The following NDST3 variants were observed in gnomAD, a reference collection of about 807,000 sequenced individuals.
The protein encoded by NDST3 is bifunctional heparan sulfate N-deacetylase/N-sulfotransferase 3.
Under a neutral mutation model 96.1 loss-of-function variants are expected in NDST3, and 58 were observed. That is an observed-to-expected ratio of 0.60 (90% CI 0.49 to 0.75). NDST3 has a LOEUF of 0.75. Ranked by LOEUF, NDST3 falls within the 30% of genes least tolerant of loss-of-function variation. The probability of loss-of-function intolerance (pLI) is 0.00; values close to 1 mark genes in which losing one functional copy is unlikely to be tolerated. For missense variants in NDST3, 788 were observed against 1,034.2 expected, an observed-to-expected ratio of 0.76 and a Z score of 3.27; for synonymous variants, 333 against 359.7, an observed-to-expected ratio of 0.93 and a Z score of 0.84.
intron 6 of NDST3, among the ~76,000 whole-genome samples, chr4:118,169,136 A>C (rs976198648): frequency 2.6e-5 from 4 of 151,528 alleles, no homozygotes; most frequent in Non-Finnish European, 4.4e-5. Flanking sequence ...ACAATTTTTA[A>C]AAAGAAAAAA....
chr4:118,242,608 G>A (rs1741076684), intron 12 of NDST3, among the ~76,000 whole-genome samples: 1 of 152,288 alleles, frequency 6.6e-6, no homozygotes, highest in African/African-American at 2.4e-5. Flanking sequence ...TAAGCAGAGA[G>A]AGATGTACTA....
intron 12 of NDST3, among the ~76,000 whole-genome samples, chr4:118,247,623 A>G (rs1305604101): frequency 6.6e-6 from 1 of 152,166 alleles, no homozygotes; most frequent in African/African-American, 2.4e-5. Flanking sequence ...ATTGACTGCA[A>G]TGGGCTGCAA....
intron 2 of NDST3, among the ~76,000 whole-genome samples, chr4:118,080,796 C>T (rs1210071438): frequency 6.6e-6 from 1 of 151,974 alleles, no homozygotes; most frequent in East Asian, 1.9e-4. Context: ...TCCATGGCAC[C>T]ATATGAAGGA....
At chr4:118,111,936 A>C (rs543375479) in intron 3 of NDST3, among the ~76,000 whole-genome samples, 1 of 151,934 alleles carries the variant, frequency 6.6e-6, no homozygotes, top group East Asian at 1.9e-4. Flanking sequence ...TCAGCCTCCC[A>C]AAGTGCTGGG....
intron 6 of NDST3, among the ~76,000 whole-genome samples, chr4:118,169,532 G>A (rs1735785246): frequency 1.3e-5 from 2 of 152,120 alleles, no homozygotes; most frequent in South Asian, 2.1e-4. Flanking sequence ...AGTGGCTCAC[G>A]CCTGTAATCC....
intron 5 of NDST3, among the ~76,000 whole-genome samples, chr4:118,141,912 TAG>T (rs1733601325): frequency 6.6e-6 from 1 of 152,142 alleles, no homozygotes; most frequent in Non-Finnish European, 1.5e-5. Context: ...AGTCCATAGC[TAG>T]TTCCACTAGC....
chr4:118,145,354 G>C (rs758502618), intron 6 of NDST3, among the ~76,000 whole-genome samples: 15 of 152,084 alleles, frequency 9.9e-5, no homozygotes, highest in South Asian at 6.2e-4. Context: ...TTTCATCATA[G>C]AGCAACAGAA....
intron 13 of NDST3, among the ~76,000 whole-genome samples, chr4:118,255,049 T>A (rs995217538): frequency 2.0e-5 from 3 of 152,302 alleles, no homozygotes; most frequent in African/African-American, 7.2e-5. Flanking sequence ...ATAAAATATA[T>A]CATATGCATT....
At chr4:118,193,223 A>T (rs1292571844) in intron 6 of NDST3, among the ~76,000 whole-genome samples, 1 of 152,152 alleles carries the variant, frequency 6.6e-6, no homozygotes, top group Non-Finnish European at 1.5e-5. Flanking sequence ...ACCACCTAAA[A>T]TGATTCCCCA....
rs552733878 is a variant in NDST3 at position 118,087,554 on chromosome 4, T to C, written c.982-17464T>C. Among the ~76,000 whole-genome samples, 136 of 152,274 alleles carry C rather than the reference T, an allele frequency of 8.9e-4. 2 individuals carry two copies. The highest frequency in any genetic ancestry group is 3.1e-3 in the African/African-American group (128 of 41,580). On this transcript the variant is annotated intron_variant, in intron 2 of 13. Coordinates refer to ENST00000296499, the MANE Select transcript of NDST3 (RefSeq NM_004784.3). ...ATCTCTAATCAGTTCCAGATTATCC[T>C]AGGAATTTGAGCCTGGCACAAATCA... is the stretch of plus-strand genomic sequence containing the variant.
chr4:118,165,045 A>C (rs1409123198), intron 6 of NDST3, among the ~76,000 whole-genome samples: 1 of 152,148 alleles, frequency 6.6e-6, no homozygotes, highest in Non-Finnish European at 1.5e-5. Context: ...AAGACAAAAC[A>C]ATTAACAAAA....
At chr4:118,103,427 AG>A (rs919511086) in intron 2 of NDST3, among the ~76,000 whole-genome samples, 39 of 152,262 alleles carry the variant, frequency 2.6e-4, no homozygotes, top group African/African-American at 8.9e-4. Context: ...GAAGAAAGAA[AG>A]GGAAGATATT....
At chr4:118,252,410 A>T (rs1225664523) in intron 12 of NDST3, among the ~76,000 whole-genome samples, 1 of 152,226 alleles carries the variant, frequency 6.6e-6, no homozygotes, top group Non-Finnish European at 1.5e-5. Context: ...GTGTTCAACT[A>T]ATACTTGGCA....
intron 12 of NDST3, among the ~76,000 whole-genome samples, chr4:118,252,155 T>C (rs367731353): frequency 2.6e-5 from 4 of 152,224 alleles, no homozygotes; most frequent in Admixed American, 2.6e-4. Context: ...AATATAATTA[T>C]TGAATAACAA....
chr4:118,216,820 G>A (rs1186895561), intron 6 of NDST3, among the ~76,000 whole-genome samples: 1 of 152,040 alleles, frequency 6.6e-6, no homozygotes, highest in Non-Finnish European at 1.5e-5. Flanking sequence ...AAGATTACCA[G>A]AATGAGTGGC....
chr4:118,240,786 TTAC>T lies in NDST3; in HGVS notation c.2289+95_2289+97del. The T allele has an allele frequency of 5.0e-6, 6 of 1,204,852 alleles. No homozygotes were observed. The South Asian group carries it at 1.0e-4, about 20-fold the overall frequency. The allele number at this position is 1,204,852 out of a possible 1,614,324, so 74.6% of individuals were successfully genotyped here. ...AAGAAAATTTTCAATTGTTAAACTA[TTAC>T]TAGTTTTTCCTCTTTAGTTGTAAAT... On this transcript the variant is annotated intron_variant, in intron 11 of 13. Transcript: ENST00000296499.
At chr4:118,105,947 G>C (rs1376969141) in intron 3 of NDST3, among the ~76,000 whole-genome samples, 1 of 152,136 alleles carries the variant, frequency 6.6e-6, no homozygotes, top group Non-Finnish European at 1.5e-5. Flanking sequence ...TGTTCCTGTT[G>C]CTCTGTATGC....
intron 4 of NDST3, among the ~76,000 whole-genome samples, chr4:118,127,306 A>G (rs1732190553): frequency 6.6e-6 from 1 of 151,818 alleles, no homozygotes; most frequent in Non-Finnish European, 1.5e-5. Flanking sequence ...ATGTTTTCTT[A>G]TAGTAGTTTC....
At chr4:118,204,330 T>C (rs1318504049) in intron 6 of NDST3, among the ~76,000 whole-genome samples, 1 of 145,174 alleles carries the variant, frequency 6.9e-6, no homozygotes, top group East Asian at 2.0e-4. Context: ...CTTCACAGAG[T>C]TTAACTGAGC....
Sources: gnomAD v4.1 joint callset for allele counts (sites outside exome capture counted in the v4.1 genomes callset) on GRCh38, gnomAD v4.1.1 for gene constraint, MANE v1.5 for transcripts, NCBI Gene and HGNC (gene_info 2026-07-23, HGNC 2026-07-21) for gene names.